Variants in CHD6 observed in about 807,000 individuals in gnomAD.
The protein encoded by CHD6 is ATP-dependent chromatin remodeler CHD6.
A neutral mutation model predicts 276.9 loss-of-function variants in CHD6; 50 were observed. The ratio of observed to expected loss-of-function variants is 0.18; its 90% CI spans 0.14 to 0.23. The LOEUF (loss-of-function observed/expected upper bound fraction) is 0.23. Among genes scored for constraint, CHD6 ranks in the 10% least tolerant of loss-of-function variants. The probability of loss-of-function intolerance (pLI) is 1.00; values close to 1 mark genes in which losing one functional copy is unlikely to be tolerated. For synonymous variants in CHD6, 1,173 were observed against 1,229.3 expected (o/e 0.95, Z 0.96); for missense variants, 2,564 against 3,365.8 (o/e 0.76, Z 5.89).
intron 26 of CHD6, among the ~76,000 whole-genome samples, chr20:41,439,055 A>AAG (rs1273917678): frequency 1.3e-5 from 2 of 152,164 alleles, no homozygotes; most frequent in African/African-American, 4.8e-5. Context: ...GATAAATGCT[A>AAG]AGAGATAAAT....
intron 4 of CHD6, 108 bp downstream of exon 4, chr20:41,514,697 G>T: frequency 7.7e-7 from 1 of 1,302,764 alleles, no homozygotes; most frequent in East Asian, 2.3e-5. Flanking sequence ...CCCAGCCCAG[G>T]GCTAGGGAGT....
chr20:41,453,783 G>T (rs1310025491), intron 20 of CHD6, among the ~76,000 whole-genome samples: 1 of 152,136 alleles, frequency 6.6e-6, no homozygotes, highest in East Asian at 1.9e-4. Context: ...TTACTAAAGG[G>T]GACTGCAGGA....
intron 1 of CHD6, among the ~76,000 whole-genome samples, chr20:41,604,448 A>C (rs1252186865): frequency 6.6e-6 from 1 of 152,228 alleles, no homozygotes; most frequent in Non-Finnish European, 1.5e-5. Flanking sequence ...GGTCATGAAA[A>C]TCAGTGGTCC....
At chr20:41,406,436 C>T (rs2046676688) in intron 36 of CHD6, among the ~76,000 whole-genome samples, 1 of 152,214 alleles carries the variant, frequency 6.6e-6, no homozygotes, top group Non-Finnish European at 1.5e-5. Context: ...GGCTGAGCTG[C>T]ACAGAATCCT....
intron 17 of CHD6, among the ~76,000 whole-genome samples, chr20:41,459,167 G>A (rs971534061): frequency 4.6e-5 from 7 of 152,128 alleles, no homozygotes; most frequent in Non-Finnish European, 1.0e-4. Flanking sequence ...GGATATGGAA[G>A]CCCCCACCCA....
rs2048283703 is a variant in CHD6, at chr20:41,452,976, C to T, written c.3121-34G>A. 2 of 1,523,538 alleles carry T rather than the reference C, an allele frequency of 1.3e-6. No individual in the cohort carries two copies. Among genetic ancestry groups the T allele is most frequent in the Admixed American group, 1.7e-5 (1 of 59,660 alleles). 94.4% of individuals were successfully genotyped at this position (1,523,538 alleles called of 1,614,324 possible). ...GGAGAGGACTACTGGGAAGAAAGTC[C>T]TCTTTTCTCTACTCCTTTCACAAAG... On this transcript the variant is annotated intron_variant, in intron 20 of 36. Transcript: ENST00000373233. This position sits in a 1 kb window ranked among gnomAD's most constrained non-coding sequence, Gnocchi z 4.2.
intron 1 of CHD6, among the ~76,000 whole-genome samples, chr20:41,606,745 C>G (rs1184345881): frequency 6.6e-6 from 1 of 152,038 alleles, no homozygotes. Context: ...TCCATCAGAC[C>G]CCTCTAAAAG....
At chr20:41,573,031 TC>T (rs2045435530) in intron 1 of CHD6, among the ~76,000 whole-genome samples, 1 of 151,966 alleles carries the variant, frequency 6.6e-6, no homozygotes, top group African/African-American at 2.4e-5. Flanking sequence ...TGCCTCAGCC[TC>T]CCGAGTAGCT....
chr20:41,462,589 T>C (rs2042826571), intron 17 of CHD6, among the ~76,000 whole-genome samples: 1 of 152,144 alleles, frequency 6.6e-6, no homozygotes, highest in African/African-American at 2.4e-5. Context: ...AAGGAAATTA[T>C]AAATATGGAA....
At chr20:41,492,863 G>A (rs1166343577) in intron 10 of CHD6, among the ~76,000 whole-genome samples, 1 of 152,232 alleles carries the variant, frequency 6.6e-6, no homozygotes, top group African/African-American at 2.4e-5. Context: ...GGAGGTTGCA[G>A]TGAGCTGAGA....
intron 36 of CHD6, among the ~76,000 whole-genome samples, chr20:41,406,050 G>A (rs1277990530): frequency 1.3e-5 from 2 of 152,178 alleles, no homozygotes; most frequent in African/African-American, 4.8e-5. Flanking sequence ...CCTATCTTTA[G>A]AGTCACGGAA....
At chr20:41,456,765 C>T (rs1042618419) in intron 18 of CHD6, among the ~76,000 whole-genome samples, 2 of 152,172 alleles carry the variant, frequency 1.3e-5, no homozygotes, top group South Asian at 4.1e-4. Context: ...AGCTGTAATT[C>T]TTATGCCCCC....
chr20:41,472,552 A>AT (rs1434446130), intron 17 of CHD6, among the ~76,000 whole-genome samples: 1 of 152,226 alleles, frequency 6.6e-6, no homozygotes, highest in African/African-American at 2.4e-5. Flanking sequence ...TTCATTAATG[A>AT]TAATGGCTGT....
At chr20:41,555,166 T>A (rs867146661) in intron 1 of CHD6, among the ~76,000 whole-genome samples, 2 of 108,556 alleles carry the variant, frequency 1.8e-5, no homozygotes, top group African/African-American at 4.0e-5. Context: ...GGCTCCTCAC[T>A]TCCCAGTAGG....
intron 1 of CHD6, among the ~76,000 whole-genome samples, chr20:41,605,748 G>C (rs1177857969): frequency 1.4e-5 from 2 of 143,688 alleles, no homozygotes; most frequent in East Asian, 4.2e-4. Flanking sequence ...ATTTTAATCA[G>C]AACTATTAGT....
intron 24 of CHD6, 62 bp downstream of exon 24, chr20:41,447,820 C>G: frequency 1.6e-6 from 2 of 1,272,728 alleles, no homozygotes; most frequent in South Asian, 2.6e-5. Context: ...TTGGCCAGCT[C>G]CATGAATAGG....
intron 27 of CHD6, among the ~76,000 whole-genome samples, chr20:41,434,677 A>T (rs918462682): frequency 7.2e-5 from 11 of 152,202 alleles, no homozygotes; most frequent in Admixed American, 2.6e-4. Flanking sequence ...GCAAGAACAT[A>T]TAATTCTAAA....
At chr20:41,444,319 A>G (rs181708206) in intron 25 of CHD6, among the ~76,000 whole-genome samples, 66 of 152,378 alleles carry the variant, frequency 4.3e-4, no homozygotes, top group Non-Finnish European at 8.5e-4. Flanking sequence ...ATTTAAATTA[A>G]TTAAAAGTAC....
At chr20:41,441,507 T>C (rs2047900900) in intron 25 of CHD6, among the ~76,000 whole-genome samples, 1 of 152,200 alleles carries the variant, frequency 6.6e-6, no homozygotes, top group East Asian at 1.9e-4. Flanking sequence ...GGTGAAATCC[T>C]TCCCTTACTG....
Sources: allele counts gnomAD v4.1 joint callset (sites outside exome capture counted in the v4.1 genomes callset), GRCh38; gene constraint gnomAD v4.1.1; non-coding constraint Gnocchi (gnomAD v3.1); transcripts MANE v1.5; gene names NCBI Gene and HGNC (gene_info 2026-07-23, HGNC 2026-07-21).